The following NR3C1 variants were observed in gnomAD, a reference collection of about 807,000 sequenced individuals.
NR3C1 encodes glucocorticoid receptor.
NR3C1 carries 14 observed loss-of-function variants against 74.0 expected under a neutral mutation model. That is an observed-to-expected ratio of 0.19 (90% CI 0.12 to 0.30). NR3C1 has a LOEUF of 0.30. Ranked by LOEUF, NR3C1 falls within the 10% of genes least tolerant of loss-of-function variation. The probability of loss-of-function intolerance (pLI) is 1.00; values close to 1 mark genes in which losing one functional copy is unlikely to be tolerated. For missense variants in NR3C1, 695 were observed against 909.8 expected (o/e 0.76, Z 3.04); for synonymous variants, 308 against 332.5 (o/e 0.93, Z 0.80).
chr5:143,360,183 G>T (rs946503432), intron 2 of NR3C1, among the ~76,000 whole-genome samples: 1 of 152,160 alleles, frequency 6.6e-6, no homozygotes, highest in Non-Finnish European at 1.5e-5. Context: ...CATGATTAAA[G>T]AATAATTATC....
At chr5:143,309,728 T>C (rs561525390) in intron 4 of NR3C1, among the ~76,000 whole-genome samples, 32 of 152,174 alleles carry the variant, frequency 2.1e-4, no homozygotes, top group South Asian at 1.9e-3. Context: ...AAAATGGACA[T>C]GTAAATATGT....
intron 7 of NR3C1, 71 bp downstream of exon 7, chr5:143,295,389 T>C: frequency 2.5e-6 from 4 of 1,588,420 alleles, no homozygotes; most frequent in African/African-American, 1.3e-5. Flanking sequence ...ACTATGTATA[T>C]AAATTAACCT....
intron 2 of NR3C1, among the ~76,000 whole-genome samples, chr5:143,356,753 A>G (rs1327974689): frequency 6.6e-6 from 1 of 151,686 alleles, no homozygotes; most frequent in South Asian, 2.1e-4. Context: ...ATACTTCTTT[A>G]TAAACATATA....
chr5:143,285,965 CTGAT>C (rs142230797), intron 7 of NR3C1, among the ~76,000 whole-genome samples: 18,310 of 136,882 alleles, frequency 0.13, 1,292 homozygotes, highest in Middle Eastern at 0.3. Context: ...TTTAGCCAGA[CTGAT>C]TAAAAAAAAA....
At chr5:143,308,437 C>T (rs1166766703) in intron 4 of NR3C1, among the ~76,000 whole-genome samples, 1 of 152,156 alleles carries the variant, frequency 6.6e-6, no homozygotes, top group Non-Finnish European at 1.5e-5. Flanking sequence ...GCACTCCAGC[C>T]TGGGTGACAA....
chr5:143,298,247 A>AT (rs1236024829), intron 6 of NR3C1, among the ~76,000 whole-genome samples: 2 of 152,176 alleles, frequency 1.3e-5, no homozygotes, highest in East Asian at 1.9e-4. Context: ...ATGCAAAGAG[A>AT]TACCTCTTGT....
At chr5:143,287,437 T>C (rs1012075863) in intron 7 of NR3C1, among the ~76,000 whole-genome samples, 2 of 152,062 alleles carry the variant, frequency 1.3e-5, no homozygotes, top group Non-Finnish European at 2.9e-5. Flanking sequence ...GCTCATTTCA[T>C]AGAAACACAC....
chr5:143,404,343 G>A (rs1172118105), upstream of NR3C1: 1 of 985,354 alleles, frequency 1.0e-6, no homozygotes, highest in Non-Finnish European at 1.2e-6. Flanking sequence ...CTTCAGGGAA[G>A]GGACGGGATA....
chr5:143,387,869 G>A (rs1047982973), intron 2 of NR3C1, among the ~76,000 whole-genome samples: 3 of 152,246 alleles, frequency 2.0e-5, no homozygotes, highest in East Asian at 1.9e-4. Flanking sequence ...AAGGTACTCA[G>A]TGATTACACA....
chr5:143,429,839 G>A (rs1173368072), intron 1 of NR3C1, among the ~76,000 whole-genome samples: 2 of 152,054 alleles, frequency 1.3e-5, no homozygotes, highest in Admixed American at 1.3e-4. Context: ...CAGCACTTTG[G>A]GAGGCCGAGG....
intron 2 of NR3C1, among the ~76,000 whole-genome samples, chr5:143,344,537 A>G (rs1828855099): frequency 6.6e-6 from 1 of 152,316 alleles, no homozygotes; most frequent in South Asian, 2.1e-4. Flanking sequence ...AGGTCTTTGA[A>G]TAATGTTTTG....
At chr5:143,288,118 ATT>A (rs869233990) in intron 7 of NR3C1, among the ~76,000 whole-genome samples, 22 of 141,250 alleles carry the variant, frequency 1.6e-4, no homozygotes, top group Non-Finnish European at 1.7e-4. Flanking sequence ...AACAACTGGA[ATT>A]TTTTTTTTTT....
rs1326752339 is a variant in NR3C1, at chr5:143,412,066, CCTT to C, written c.-13-11217_-13-11215del. Among the ~76,000 whole-genome samples, 11 of 151,970 alleles carry C rather than the reference CCTT, an allele frequency of 7.2e-5. No individual in the cohort carries two copies. The East Asian group carries it at 1.5e-3, about 21-fold the overall frequency. ...AGGAACTTTTTATGCTAAGAGAAGA[CCTT>C]CTGGTGAAGAGTAAGCAGGCTTAGT... On this transcript the variant is annotated intron_variant, in intron 1 of 8. Transcript: ENST00000343796.
chr5:143,341,321 A>G (rs1828178817), intron 2 of NR3C1, among the ~76,000 whole-genome samples: 1 of 152,216 alleles, frequency 6.6e-6, no homozygotes, highest in Non-Finnish European at 1.5e-5. Context: ...TCATTTCAGT[A>G]CTTTAAAAAA....
intron 2 of NR3C1, among the ~76,000 whole-genome samples, chr5:143,321,432 G>A (rs1321508064): frequency 6.6e-6 from 1 of 151,974 alleles, no homozygotes. Context: ...CACTCTGACC[G>A]CTGCCATTCT....
chr5:143,310,950 C>G (rs1820802627), intron 3 of NR3C1, among the ~76,000 whole-genome samples: 1 of 152,208 alleles, frequency 6.6e-6, no homozygotes, highest in Admixed American at 6.5e-5. Flanking sequence ...GCCACCACGC[C>G]CAGCCAATAG....
At chr5:143,282,783 T>C (rs1258917481) in intron 7 of NR3C1, 58 bp from the exon 8 acceptor site, 38 of 1,564,000 alleles carry the variant, frequency 2.4e-5, no homozygotes, top group Non-Finnish European at 3.0e-5. Context: ...TTTTCTTTTT[T>C]TTTTTTTTTT....
At chr5:143,311,312 GA>G (rs958266545) in intron 3 of NR3C1, among the ~76,000 whole-genome samples, 1 of 151,728 alleles carries the variant, frequency 6.6e-6, no homozygotes, top group Admixed American at 6.6e-5. Context: ...AAGAAAAAAA[GA>G]AAAAAAATCA....
At chr5:143,304,317 T>C (rs1344306133) in intron 4 of NR3C1, among the ~76,000 whole-genome samples, 1 of 151,892 alleles carries the variant, frequency 6.6e-6, no homozygotes, top group African/African-American at 2.4e-5. Context: ...TTTGTAACAG[T>C]CACAAAAAGA....
Sources: allele counts gnomAD v4.1 joint callset (sites outside exome capture counted in the v4.1 genomes callset), GRCh38; gene constraint gnomAD v4.1.1; transcripts MANE v1.5; gene names NCBI Gene and HGNC (gene_info 2026-07-23, HGNC 2026-07-21).